The following ACSS3 variants were observed in gnomAD, a reference collection of about 807,000 sequenced individuals.
ACSS3 encodes the protein acyl-CoA synthetase short-chain family member 3, mitochondrial.
In ACSS3, 64 loss-of-function variants were observed where a neutral mutation model predicts 84.2. The observed-to-expected ratio is 0.76, with a 90% confidence interval of 0.62 to 0.94. The LOEUF is 0.94. ACSS3 is among the 40% of genes least tolerant of loss of function. The pLI is 0.00. For missense variants in ACSS3, 815 were observed against 867.6 expected, an observed-to-expected ratio of 0.94 and a Z score of 0.76; for synonymous variants, 317 against 310.1, an observed-to-expected ratio of 1.02 and a Z score of -0.23.
chr12:81,145,411 T>C (rs1886294460), intron 5 of ACSS3, among the ~76,000 whole-genome samples: 1 of 152,180 alleles, frequency 6.6e-6, no homozygotes, highest in African/African-American at 2.4e-5. Flanking sequence ...GTATTTGTAT[T>C]GAGTGCTCAA....
rs879801749 is a variant in ACSS3, at chr12:81,205,741, TA to T, written c.1354+6299del. Among the ~76,000 whole-genome samples the T allele has an allele frequency of 1.8e-4, 28 of 152,276 alleles. No individual in the cohort carries two copies. In the East Asian group the frequency reaches 4.8e-3, roughly 26 times the overall value. ...TGATACACTGAATTGCAGATGGATT[TA>T]ATCTGTCAGCCTGCAGTTCTCTATA... On this transcript the variant is annotated intron_variant, in intron 9 of 15. Coordinates refer to ENST00000548058, the MANE Select transcript of ACSS3 (RefSeq NM_024560.4).
intron 8 of ACSS3, among the ~76,000 whole-genome samples, chr12:81,185,657 C>T (rs10862258): frequency 0.64 from 96,821 of 151,312 alleles, 31,785 homozygotes; most frequent in Non-Finnish European, 0.72. Flanking sequence ...TATATTGGTA[C>T]GGTAAAACTT....
At chr12:81,243,053 A>T (rs1358070722) in intron 13 of ACSS3, among the ~76,000 whole-genome samples, 1 of 151,962 alleles carries the variant, frequency 6.6e-6, no homozygotes, top group African/African-American at 2.4e-5. Flanking sequence ...CAATTAGGAA[A>T]AGAGGAAGTC....
intron 8 of ACSS3, among the ~76,000 whole-genome samples, chr12:81,176,661 A>G (rs1442202777): frequency 6.6e-6 from 1 of 152,130 alleles, no homozygotes; most frequent in African/African-American, 2.4e-5. Context: ...GAGTTCTGAA[A>G]ATGAATCAGT....
At chr12:81,098,147 A>AGTGTGT (rs1239630201) in intron 1 of ACSS3, among the ~76,000 whole-genome samples, 1 of 116,434 alleles carries the variant, frequency 8.6e-6, no homozygotes, top group Admixed American at 9.8e-5. Flanking sequence ...AGAGAGAGAG[A>AGTGTGT]GAGAGTGTGT....
At chr12:81,246,312 T>C (rs2033983285) in intron 13 of ACSS3, among the ~76,000 whole-genome samples, 1 of 152,174 alleles carries the variant, frequency 6.6e-6, no homozygotes. Context: ...CCCTGCTTCT[T>C]CGTTGTCACT....
At chr12:81,120,350 A>T (rs569375601) in intron 2 of ACSS3, among the ~76,000 whole-genome samples, 83 of 152,308 alleles carry the variant, frequency 5.4e-4, no homozygotes, top group Non-Finnish European at 9.6e-4. Flanking sequence ...TACAAGTGGA[A>T]GTGAGGAGAG....
At chr12:81,249,775 T>C (rs2136011787) in intron 13 of ACSS3, among the ~76,000 whole-genome samples, 1 of 152,200 alleles carries the variant, frequency 6.6e-6, no homozygotes, top group East Asian at 1.9e-4. Context: ...AAAATCTGTC[T>C]TCTTCGAACC....
intron 13 of ACSS3, among the ~76,000 whole-genome samples, chr12:81,238,796 T>C (rs1421371370): frequency 2.0e-5 from 3 of 151,744 alleles, no homozygotes; most frequent in African/African-American, 7.2e-5. Context: ...TTATTGATAT[T>C]TTAAAGGAAT....
intron 10 of ACSS3, 55 bp from the exon 11 acceptor site, chr12:81,219,958 G>A (rs1264107219): frequency 9.9e-6 from 12 of 1,212,300 alleles, no homozygotes; most frequent in Non-Finnish European, 1.3e-5. Context: ...ATAGAAAAAT[G>A]TTTAAGCTTT....
intron 8 of ACSS3, among the ~76,000 whole-genome samples, chr12:81,177,399 T>C (rs2030566501): frequency 6.6e-6 from 1 of 152,180 alleles, no homozygotes; most frequent in South Asian, 2.1e-4. Flanking sequence ...TATGATTCTA[T>C]ACTTAGAAAA....
chr12:81,144,903 C>CTTTTTTT (rs1292727483), intron 5 of ACSS3, among the ~76,000 whole-genome samples: 39 of 116,936 alleles, frequency 3.3e-4, no homozygotes, highest in East Asian at 1.7e-3. Context: ...TTTTTCTTTT[C>CTTTTTTT]TTTTTTTTTT....
intron 8 of ACSS3, among the ~76,000 whole-genome samples, chr12:81,194,415 C>G (rs1002526718): frequency 1.3e-5 from 2 of 151,682 alleles, no homozygotes; most frequent in African/African-American, 4.8e-5. Context: ...AATTTTAATA[C>G]AAAAATAAAT....
chr12:81,177,250 A>G (rs1320695567), intron 8 of ACSS3, among the ~76,000 whole-genome samples: 2 of 152,202 alleles, frequency 1.3e-5, no homozygotes, highest in Non-Finnish European at 2.9e-5. Context: ...GTAAACCACA[A>G]CAAAACAAGG....
At chr12:81,156,089 T>C (rs1161540193) in intron 7 of ACSS3, among the ~76,000 whole-genome samples, 1 of 151,750 alleles carries the variant, frequency 6.6e-6, no homozygotes, top group Non-Finnish European at 1.5e-5. Context: ...AACTAAAAAT[T>C]AAAAAGAGTT....
chr12:81,142,362 T>C (rs1324051026), intron 4 of ACSS3, among the ~76,000 whole-genome samples: 3 of 152,206 alleles, frequency 2.0e-5, no homozygotes, highest in Non-Finnish European at 4.4e-5. Context: ...GAGTAACTTT[T>C]CCATCAGCCA....
At chr12:81,185,856 A>G (rs1593173234) in intron 8 of ACSS3, among the ~76,000 whole-genome samples, 1 of 151,784 alleles carries the variant, frequency 6.6e-6, no homozygotes, top group Non-Finnish European at 1.5e-5. Context: ...TAGTAAAATT[A>G]TCCTAAAATT....
At chr12:81,144,521 C>T (rs542720019) in intron 5 of ACSS3, among the ~76,000 whole-genome samples, 6 of 152,248 alleles carry the variant, frequency 3.9e-5, no homozygotes, top group South Asian at 2.1e-4. Flanking sequence ...ACACTAGCCA[C>T]CTGGAGTCCA....
At chr12:81,247,507 A>G (rs928072708) in intron 13 of ACSS3, among the ~76,000 whole-genome samples, 9 of 152,124 alleles carry the variant, frequency 5.9e-5, no homozygotes, top group Non-Finnish European at 1.0e-4. Flanking sequence ...TCTAACAGAA[A>G]CTTTGTCACT....
Sources: gnomAD v4.1 joint callset for allele counts (sites outside exome capture counted in the v4.1 genomes callset) on GRCh38, gnomAD v4.1.1 for gene constraint, MANE v1.5 for transcripts, NCBI Gene and HGNC (gene_info 2026-07-23, HGNC 2026-07-21) for gene names.